ASB7: variants seen among roughly 807,000 people sequenced by gnomAD.
The protein encoded by ASB7 is ankyrin repeat and SOCS box protein 7.
Under a neutral mutation model 32.5 loss-of-function variants are expected in ASB7, and 4 were observed. The ratio of observed to expected loss-of-function variants is 0.12; its 90% CI spans 0.06 to 0.28. The LOEUF (loss-of-function observed/expected upper bound fraction) is 0.28. ASB7 is among the 10% of genes least tolerant of loss of function. The pLI, the probability that ASB7 is intolerant of heterozygous loss-of-function variation, is 1.00. For missense variants in ASB7, 181 were observed against 407.1 expected (o/e 0.44, Z 4.78); for synonymous variants, 172 against 155.6 (o/e 1.11, Z -0.78).
At chr15:100,622,452 A>G (rs569187441) in intron 4 of ASB7, among the ~76,000 whole-genome samples, 37 of 152,326 alleles carry the variant, frequency 2.4e-4, no homozygotes, top group African/African-American at 8.4e-4. Context: ...GTTAGAAAAA[A>G]CAATCCTAAA....
Position 100,629,379 on chromosome 15 carries a change from A to G in ASB7, c.212-58A>G. 3 of 1,432,710 alleles carry G rather than the reference A, an allele frequency of 2.1e-6. No individual in the cohort carries two copies. Among genetic ancestry groups the G allele is most frequent in the Non-Finnish European group, 2.9e-6 (3 of 1,041,724 alleles). The allele number at this position is 1,432,710 out of a possible 1,614,324, so 88.7% of individuals were successfully genotyped here. On this transcript the variant is annotated intron_variant, in intron 4 of 5. Coordinates refer to ENST00000332783, the MANE Select transcript of ASB7 (RefSeq NM_198243.3). The surrounding 1 kb of genome is among the most constrained non-coding windows in gnomAD (Gnocchi z 6.8). Reference sequence around the variant, plus strand: ...TGGCCACAGTTTGCTGTGCCATGGTAATGTTTGTTGTTTTGTCTTGGAGTC... The same window carrying G: ...TGGCCACAGTTTGCTGTGCCATGGTGATGTTTGTTGTTTTGTCTTGGAGTC...
chr15:100,639,481 T>C (rs1248205923), intron 5 of ASB7, among the ~76,000 whole-genome samples: 1 of 152,180 alleles, frequency 6.6e-6, no homozygotes, highest in South Asian at 2.1e-4. Flanking sequence ...TTTCTCAGGT[T>C]AAACCCCATA....
chr15:100,632,075 G>GC (rs751139191), intron 5 of ASB7, among the ~76,000 whole-genome samples: 39 of 152,240 alleles, frequency 2.6e-4, no homozygotes, highest in Non-Finnish European at 5.4e-4. Context: ...CCTCAGAGCT[G>GC]CCCCTAGCAG....
intron 5 of ASB7, among the ~76,000 whole-genome samples, chr15:100,631,741 C>T (rs771938702): frequency 2.0e-5 from 3 of 152,166 alleles, no homozygotes; most frequent in African/African-American, 4.8e-5. Context: ...TTAGTGTCCT[C>T]ACCTTCAAAT....
chr15:100,617,051 A>G (rs1479630821), intron 4 of ASB7, among the ~76,000 whole-genome samples: 1 of 152,182 alleles, frequency 6.6e-6, no homozygotes, highest in African/African-American at 2.4e-5. Context: ...CCTTACCTCT[A>G]ATATGACTGA....
intron 2 of ASB7, among the ~76,000 whole-genome samples, chr15:100,606,562 G>A (rs1233723811): frequency 6.6e-6 from 1 of 152,170 alleles, no homozygotes; most frequent in African/African-American, 2.4e-5. Flanking sequence ...ACTTAACTAT[G>A]TGAAGCAAGA....
chr15:100,627,494 T>G (rs142545679), intron 4 of ASB7, among the ~76,000 whole-genome samples: 28 of 152,272 alleles, frequency 1.8e-4, no homozygotes, highest in African/African-American at 6.5e-4. Context: ...TGTTTGCATT[T>G]TCATTGCTTC....
intron 5 of ASB7, among the ~76,000 whole-genome samples, chr15:100,640,112 G>C (rs912243434): frequency 7.2e-5 from 11 of 152,072 alleles, no homozygotes; most frequent in Admixed American, 7.2e-4. Flanking sequence ...AAGAGCAAAG[G>C]AATAAAATGT....
In ASB7 at chr15:100,648,289, G is replaced by T. The variant is rs560703767; in HGVS notation, c.818-34G>T. 46 of 1,556,164 alleles carry T rather than the reference G, an allele frequency of 3.0e-5. No homozygotes were observed. In the South Asian group the frequency reaches 4.3e-4, roughly 14 times the overall value. On this transcript the variant is annotated intron_variant, in intron 5 of 5. Coordinates refer to ENST00000332783, the MANE Select transcript of ASB7 (RefSeq NM_198243.3). Reference sequence around the variant, plus strand: ...AGTGCCTTAAATATTGTGCTTTGTGGCTTTGTAACATTTTCTTTTTTCTGT... The same window carrying T: ...AGTGCCTTAAATATTGTGCTTTGTGTCTTTGTAACATTTTCTTTTTTCTGT...
intron 4 of ASB7, among the ~76,000 whole-genome samples, chr15:100,615,141 G>A (rs977259084): frequency 2.0e-5 from 3 of 152,184 alleles, no homozygotes; most frequent in Non-Finnish European, 2.9e-5. Context: ...ACGCTGTGCC[G>A]TCTAGGTTTG....
intron 5 of ASB7, among the ~76,000 whole-genome samples, chr15:100,639,918 T>C (rs1195789547): frequency 6.6e-6 from 1 of 152,228 alleles, no homozygotes; most frequent in Admixed American, 6.5e-5. Flanking sequence ...AGAGCTCATT[T>C]ACCTTTGGAA....
At chr15:100,630,065 T>C (rs2039872294) in intron 5 of ASB7, 23 bp downstream of exon 5, 3 of 1,524,912 alleles carry the variant, frequency 2.0e-6, no homozygotes, top group South Asian at 1.3e-5. Context: ...ATTATTACTT[T>C]ATTGCATTTT....
At chr15:100,642,925 T>G (rs1335357048) in intron 5 of ASB7, among the ~76,000 whole-genome samples, 2 of 152,226 alleles carry the variant, frequency 1.3e-5, no homozygotes. Context: ...TAGTCCCAGC[T>G]GCCTGGAGGC....
In ASB7 at chr15:100,602,806, C is replaced by A. The variant is rs556371249; in HGVS notation, c.-513C>A. On this transcript the variant is annotated 5_prime_UTR_variant, in exon 1 of 6. Coordinates refer to ENST00000332783, the MANE Select transcript of ASB7 (RefSeq NM_198243.3). ...GAGCCCTGGACCGGGACTGCCCCCC[C>A]ACCCGAGCCAGGACTTCCTCCCTGC... 113 of 392,040 alleles carry A rather than the reference C, an allele frequency of 2.9e-4. No homozygotes were observed. Among genetic ancestry groups the A allele is most frequent in the African/African-American group, 9.5e-4 (46 of 48,464 alleles). 24.3% of individuals were successfully genotyped at this position (392,040 alleles called of 1,614,324 possible). A position where few individuals can be genotyped will look rare whatever the true frequency, so the allele number is the denominator to read the frequency against.
chr15:100,617,409 CAG>C (rs1313517000), intron 4 of ASB7, among the ~76,000 whole-genome samples: 1 of 152,216 alleles, frequency 6.6e-6, no homozygotes, highest in Non-Finnish European at 1.5e-5. Flanking sequence ...TGCATTCTTT[CAG>C]AGTCACTGAG....
intron 5 of ASB7, among the ~76,000 whole-genome samples, chr15:100,634,681 A>G (rs1048367274): frequency 9.2e-5 from 14 of 152,048 alleles, no homozygotes; most frequent in Admixed American, 3.3e-4. Context: ...GCACGCACCT[A>G]TTGTCCCCGC....
At chr15:100,622,998 G>A (rs12911276) in intron 4 of ASB7, among the ~76,000 whole-genome samples, 149,336 of 152,334 alleles carry the variant, frequency 0.98, 73,282 homozygotes, top group Middle Eastern at 1. Flanking sequence ...TGAAGAGACA[G>A]CCTGTTGAAT....
intron 4 of ASB7, among the ~76,000 whole-genome samples, chr15:100,618,404 C>G (rs1220203078): frequency 6.6e-6 from 1 of 152,216 alleles, no homozygotes; most frequent in Admixed American, 6.5e-5. Context: ...CATGAGCCAC[C>G]GCGTCCAGTC....
chr15:100,627,245 G>A (rs894304906), intron 4 of ASB7, among the ~76,000 whole-genome samples: 1 of 152,154 alleles, frequency 6.6e-6, no homozygotes, highest in East Asian at 1.9e-4. Context: ...TTGCTAAGGG[G>A]ACAAAGTAAT....
Sources: gnomAD v4.1 joint callset for allele counts (sites outside exome capture counted in the v4.1 genomes callset) on GRCh38, gnomAD v4.1.1 for gene constraint, Gnocchi (gnomAD v3.1) non-coding constraint, MANE v1.5 for transcripts, NCBI Gene and HGNC (gene_info 2026-07-23, HGNC 2026-07-21) for gene names.